Variants in IGSF11 observed in about 807,000 individuals in gnomAD.
IGSF11 encodes the protein CXADR like 1.
In IGSF11, 22 loss-of-function variants were observed where a neutral mutation model predicts 41.0. The ratio of observed to expected loss-of-function variants is 0.54; its 90% CI spans 0.38 to 0.77. The LOEUF is 0.77. Ranked by LOEUF, IGSF11 falls within the 30% of genes least tolerant of loss-of-function variation. IGSF11 has a pLI of 0.00. For missense variants in IGSF11, 444 were observed against 530.8 expected (o/e 0.84, Z 1.61); for synonymous variants, 219 against 201.3 (o/e 1.09, Z -0.74).
intron 1 of IGSF11, among the ~76,000 whole-genome samples, chr3:118,965,624 A>G (rs1945618564): frequency 6.6e-6 from 1 of 152,140 alleles, no homozygotes; most frequent in African/African-American, 2.4e-5. Flanking sequence ...AAATCTAACA[A>G]ATATATGTGA....
intron 1 of IGSF11, among the ~76,000 whole-genome samples, chr3:119,098,437 T>C (rs1345768367): frequency 1.3e-5 from 2 of 152,166 alleles, no homozygotes; most frequent in Non-Finnish European, 2.9e-5. Context: ...AGCATAGAAA[T>C]ACTAAAACAA....
At chr3:118,958,526 A>G (rs139441620) in intron 1 of IGSF11, among the ~76,000 whole-genome samples, 4 of 151,732 alleles carry the variant, frequency 2.6e-5, no homozygotes, top group African/African-American at 4.8e-5. Flanking sequence ...TAGTCAGTGG[A>G]AAAAAAACAA....
At chr3:118,929,410 C>T (rs1226834478) in intron 2 of IGSF11, among the ~76,000 whole-genome samples, 1 of 152,092 alleles carries the variant, frequency 6.6e-6, no homozygotes, top group Non-Finnish European at 1.5e-5. Context: ...AAAGAAGCTT[C>T]TATTTAATTT....
intron 1 of IGSF11, among the ~76,000 whole-genome samples, chr3:119,029,686 T>G (rs990338346): frequency 6.6e-6 from 1 of 152,196 alleles, no homozygotes; most frequent in Non-Finnish European, 1.5e-5. Context: ...CAGTGAAACT[T>G]TGGGCAAAAG....
rs1165059779 is a variant in IGSF11, at chr3:119,076,799, T to TC, written c.49+28344_49+28345insG. 2.0e-5 allele frequency among the ~76,000 whole-genome samples: 3 copies of TC among 150,062 alleles called. No individual in the cohort carries two copies. In the South Asian group the frequency reaches 6.3e-4, roughly 32 times the overall value. ...GAGGATGTGGAGAAATAGGAACACTTTTTTTTTTTACGTTGTTGGTGGGAC... is the reference window on the plus strand; with the variant it reads ...GAGGATGTGGAGAAATAGGAACACTTCTTTTTTTTTACGTTGTTGGTGGGAC... On this transcript the variant is annotated intron_variant, in intron 1 of 6. Coordinates refer to the IGSF11 transcript ENST00000354673.
intron 1 of IGSF11, among the ~76,000 whole-genome samples, chr3:119,071,170 A>T (rs571771254): frequency 6.6e-6 from 1 of 152,348 alleles, no homozygotes; most frequent in African/African-American, 2.4e-5. Context: ...TGAGAGGAGG[A>T]TGAAGTCCTG....
At chr3:119,106,104 A>C (rs183400673), upstream of IGSF11, among the ~76,000 whole-genome samples, 2 of 152,338 alleles carry the variant, frequency 1.3e-5, no homozygotes, top group East Asian at 3.9e-4. Flanking sequence ...TGATTTATTT[A>C]TGGGATATAT....
intron 1 of IGSF11, among the ~76,000 whole-genome samples, chr3:118,980,251 T>A (rs1227492758): frequency 1.3e-5 from 2 of 152,182 alleles, no homozygotes; most frequent in Non-Finnish European, 2.9e-5. Context: ...CTATTCATAG[T>A]AGCAAAGATA....
chr3:119,113,853 AT>A (rs2077219075), intron 1 of IGSF11, among the ~76,000 whole-genome samples: 1 of 152,194 alleles, frequency 6.6e-6, no homozygotes, highest in African/African-American at 2.4e-5. Context: ...ATATCCAGGT[AT>A]TTCCATACGT....
rs559291245 is a variant in IGSF11, at chr3:118,904,664, TTTC to T, written c.835_837del (p.Glu279del). On this transcript the variant is annotated inframe_deletion, in exon 6 of 7. Transcript: ENST00000393775. ...CATACAAACCTTATTTCATTAGGAA[TTTC>T]TTCTTCTTCCTCCTCTTTATTTTTG... 2.8e-4 allele frequency: 455 copies of T among 1,609,750 alleles called. 1 individual carries two copies. In the African/African-American group the frequency reaches 5.5e-3, roughly 19 times the overall value.
At chr3:118,990,684 C>T (rs546739855) in intron 1 of IGSF11, among the ~76,000 whole-genome samples, 37 of 152,268 alleles carry the variant, frequency 2.4e-4, no homozygotes, top group Admixed American at 6.5e-4. Flanking sequence ...TATGGAAAAT[C>T]CAAAGGGAAA....
intron 1 of IGSF11, among the ~76,000 whole-genome samples, chr3:119,030,283 T>C (rs1451159457): frequency 6.6e-6 from 1 of 152,236 alleles, no homozygotes; most frequent in Non-Finnish European, 1.5e-5. Context: ...AAATTTTAGT[T>C]ATACTTATCA....
chr3:119,103,219 G>T (rs1030314614), intron 1 of IGSF11, among the ~76,000 whole-genome samples: 1 of 152,014 alleles, frequency 6.6e-6, no homozygotes, highest in African/African-American at 2.4e-5. Flanking sequence ...GGATGGTCTC[G>T]ATCTCCTGAC....
At chr3:119,081,136 T>C (rs2076579570) in intron 1 of IGSF11, among the ~76,000 whole-genome samples, 1 of 152,180 alleles carries the variant, frequency 6.6e-6, no homozygotes, top group Non-Finnish European at 1.5e-5. Flanking sequence ...TGAGTATTTT[T>C]CATGTCTTTC....
intron 1 of IGSF11, among the ~76,000 whole-genome samples, chr3:119,082,024 C>T (rs12486504): frequency 0.45 from 68,202 of 151,836 alleles, 15,441 homozygotes; most frequent in Admixed American, 0.53. Flanking sequence ...ATCCCTCCTA[C>T]ATTCATGGTC....
intron 1 of IGSF11, among the ~76,000 whole-genome samples, chr3:118,952,637 G>T (rs1297758168): frequency 6.6e-6 from 1 of 151,976 alleles, no homozygotes; most frequent in East Asian, 1.9e-4. Context: ...AAGCTTCTAA[G>T]ATAAAGATGA....
At chr3:119,110,291 A>C (rs1200501876) in intron 1 of IGSF11, among the ~76,000 whole-genome samples, 1 of 151,924 alleles carries the variant, frequency 6.6e-6, no homozygotes, top group African/African-American at 2.4e-5. Flanking sequence ...GGGTGCATAT[A>C]TATTTAGGAT....
Position 118,901,742 on chromosome 3 carries a change from A to G in IGSF11, c.*778T>C, listed in dbSNP as rs1025254163. ...TTTCTTTCTTAGCCCAATGCCTCTC[A>G]TGTATTTAAAAAAAAAAAAAAGCCT... On this transcript the variant is annotated 3_prime_UTR_variant, in exon 7 of 7. Transcript: ENST00000393775. The G allele has an allele frequency of 7.5e-6, 1 of 133,914 alleles. No individual in the cohort carries two copies. The highest frequency in any genetic ancestry group is 3.6e-3 in the Middle Eastern group (1 of 274). The allele number at this position is 133,914 out of a possible 1,614,324, so 8.3% of individuals were successfully genotyped here.
chr3:119,001,503 G>A (rs1936851093), intron 1 of IGSF11, among the ~76,000 whole-genome samples: 3 of 146,932 alleles, frequency 2.0e-5, no homozygotes, highest in Admixed American at 2.0e-4. Flanking sequence ...TAAGTTTTAG[G>A]GTACATGTGC....
Sources: gnomAD v4.1 joint callset for allele counts (sites outside exome capture counted in the v4.1 genomes callset) on GRCh38, gnomAD v4.1.1 for gene constraint, MANE v1.5 for transcripts, NCBI Gene and HGNC (gene_info 2026-07-23, HGNC 2026-07-21) for gene names.